MTHFS: variants seen among roughly 807,000 people sequenced by gnomAD.
The protein encoded by MTHFS is methenyltetrahydrofolate synthetase.
MTHFS carries 7 observed loss-of-function variants against 12.7 expected under a neutral mutation model. The observed-to-expected ratio is 0.55, with a 90% CI of 0.31 to 1.03. The LOEUF is 1.03. Among genes scored for constraint, MTHFS ranks in the 50% least tolerant of loss-of-function variants. The probability of loss-of-function intolerance (pLI) is 0.05; values close to 1 mark genes in which losing one functional copy is unlikely to be tolerated. For synonymous variants in MTHFS, 100 were observed against 97.1 expected (o/e 1.03, Z -0.18); for missense variants, 252 against 258.1 (o/e 0.98, Z 0.16).
chr15:79,871,375 GA>G (rs966288199), intron 2 of MTHFS, among the ~76,000 whole-genome samples: 4 of 152,064 alleles, frequency 2.6e-5, no homozygotes, highest in African/African-American at 9.7e-5. Flanking sequence ...GTAACAGAAA[GA>G]AGGCCAGACA....
At chr15:79,896,247 C>T (rs1043919088) in intron 1 of MTHFS, among the ~76,000 whole-genome samples, 1 of 152,240 alleles carries the variant, frequency 6.6e-6, no homozygotes, top group African/African-American at 2.4e-5. Context: ...TGTTGACCAA[C>T]TCTGAGACAG....
chr15:79,874,039 G>C lies in MTHFS; in HGVS notation c.379+15054C>G, dbSNP rs139521510. ...GACAACTAGAGAAGTGCTAAAACTT[G>C]AATGCACTCTGCAACTCACAGACAG... On this transcript the variant is annotated intron_variant, in intron 2 of 2. Coordinates refer to ENST00000258874, the MANE Select transcript of MTHFS (RefSeq NM_006441.4). Among the ~76,000 whole-genome samples, 291 of 152,304 alleles carry C rather than the reference G, an allele frequency of 1.9e-3. 1 individual carries two copies. Among genetic ancestry groups the C allele is most frequent in the African/African-American group, 6.6e-3 (273 of 41,560 alleles).
Position 79,896,925 on chromosome 15 carries a change from G to A in MTHFS, c.64C>T (p.Arg22Trp). The change falls in exon 1 of 3, where the codon CGG becomes TGG. Residue 22 changes from arginine (R) to tryptophan (W), a missense_variant. Arg to Trp is a moderately radical substitution (Grantham distance 101). Coordinates refer to ENST00000258874, the MANE Select transcript of MTHFS (RefSeq NM_006441.4). ...SLRGELKQRLRAMSAEERLRQ... is the reference protein window; with the variant it reads ...SLRGELKQRLWAMSAEERLRQ... ...AGCCGCTCCTCGGCACTCATCGCCC[G>A]CAGACGCTGCTTCAGCTCTCCCCGC... The A allele has an allele frequency of 3.2e-6, 5 of 1,541,588 alleles. No individual in the cohort carries two copies. The highest frequency in any genetic ancestry group is 4.4e-6 in the Non-Finnish European group (5 of 1,146,200).
intron 1 of MTHFS, among the ~76,000 whole-genome samples, chr15:79,895,602 A>G (rs181474687): frequency 1.1e-4 from 16 of 152,358 alleles, no homozygotes; most frequent in African/African-American, 3.8e-4. Context: ...TATCCTTTAC[A>G]TCTACTAAAA....
intron 2 of MTHFS, among the ~76,000 whole-genome samples, chr15:79,864,409 G>C (rs927560883): frequency 6.6e-6 from 1 of 151,910 alleles, no homozygotes; most frequent in African/African-American, 2.4e-5. Context: ...GCCAAGTGTG[G>C]TGGTACGCGC....
At chr15:79,896,790 C>G (rs1225038395) in intron 1 of MTHFS, 82 bp downstream of exon 1, 1 of 1,530,390 alleles carries the variant, frequency 6.5e-7, no homozygotes, top group South Asian at 1.2e-5. Context: ...CCAGCACGGA[C>G]CATGCACAGA....
intron 1 of MTHFS, among the ~76,000 whole-genome samples, chr15:79,896,473 G>C (rs73474593): frequency 3.4e-3 from 523 of 152,266 alleles, no homozygotes; most frequent in African/African-American, 0.012. Context: ...AGGGAACCTG[G>C]GCACTCAGGT....
intron 1 of MTHFS, among the ~76,000 whole-genome samples, chr15:79,890,976 A>C (rs1345242956): frequency 1.3e-5 from 2 of 152,268 alleles, no homozygotes; most frequent in African/African-American, 2.4e-5. Flanking sequence ...AATAAACATC[A>C]GTTAACACTC....
At chr15:79,874,951 G>T (rs147652374) in intron 2 of MTHFS, among the ~76,000 whole-genome samples, 1 of 151,852 alleles carries the variant, frequency 6.6e-6, no homozygotes, top group Non-Finnish European at 1.5e-5. Flanking sequence ...CATGCTTTAC[G>T]AACAATTTGT....
intron 2 of MTHFS, among the ~76,000 whole-genome samples, chr15:79,879,665 G>A (rs2034263517): frequency 6.6e-6 from 1 of 152,072 alleles, no homozygotes; most frequent in Admixed American, 6.5e-5. Flanking sequence ...TACCCAATAA[G>A]GCCTGTAATA....
chr15:79,862,901 C>T (rs1188455517), intron 2 of MTHFS, among the ~76,000 whole-genome samples: 2 of 152,178 alleles, frequency 1.3e-5, no homozygotes, highest in Non-Finnish European at 2.9e-5. Context: ...TCAGGGCACA[C>T]CCCAAGACCA....
chr15:79,879,324 T>C (rs2034256514), intron 2 of MTHFS, among the ~76,000 whole-genome samples: 1 of 100,094 alleles, frequency 1.0e-5, no homozygotes, highest in African/African-American at 3.5e-5. Flanking sequence ...TATTACCCTT[T>C]TTTTTTTTTT....
chr15:79,861,086 T>C (rs531541659), intron 2 of MTHFS, among the ~76,000 whole-genome samples: 3 of 152,334 alleles, frequency 2.0e-5, no homozygotes, highest in Admixed American at 6.5e-5. Flanking sequence ...CAAGCACTTA[T>C]ATGCACTGGC....
chr15:79,886,503 A>G (rs1022548034), intron 2 of MTHFS, among the ~76,000 whole-genome samples: 2 of 152,140 alleles, frequency 1.3e-5, no homozygotes, highest in Non-Finnish European at 2.9e-5. Flanking sequence ...TGCATGGGGG[A>G]AAAAAGCCAC....
intron 1 of MTHFS, among the ~76,000 whole-genome samples, chr15:79,894,581 A>AC (rs2034534058): frequency 6.6e-6 from 1 of 152,102 alleles, no homozygotes; most frequent in African/African-American, 2.4e-5. Flanking sequence ...GTATCTATGT[A>AC]AACTATTTCC....
intron 2 of MTHFS, among the ~76,000 whole-genome samples, chr15:79,857,759 G>A (rs1312124643): frequency 6.6e-6 from 1 of 152,192 alleles, no homozygotes; most frequent in Middle Eastern, 3.4e-3. Context: ...AGTGGCTCAC[G>A]CCTGTAATCC....
chr15:79,865,362 G>C (rs558883180), intron 2 of MTHFS, among the ~76,000 whole-genome samples: 1 of 152,282 alleles, frequency 6.6e-6, no homozygotes, highest in East Asian at 1.9e-4. Flanking sequence ...AACCAGGAAA[G>C]AATGCCATAT....
At chr15:79,858,446 A>C (rs1246298215) in intron 2 of MTHFS, among the ~76,000 whole-genome samples, 1 of 152,242 alleles carries the variant, frequency 6.6e-6, no homozygotes, top group Non-Finnish European at 1.5e-5. Flanking sequence ...TTTGGAAACA[A>C]GAACACCTGG....
At chr15:79,845,553 A>C (rs776137714) in intron 2 of MTHFS, 111 bp from the exon 3 acceptor site, 2 of 1,392,400 alleles carry the variant, frequency 1.4e-6, no homozygotes, top group Non-Finnish European at 9.6e-7. Context: ...TTCTAAAAAC[A>C]ATGTGTGACC....
Sources: gnomAD v4.1 joint callset for allele counts (sites outside exome capture counted in the v4.1 genomes callset) on GRCh38, gnomAD v4.1.1 for gene constraint, MANE v1.5 for transcripts, NCBI Gene and HGNC (gene_info 2026-07-23, HGNC 2026-07-21) for gene names.